Variants in PTPRT observed in about 807,000 individuals in gnomAD.
The protein encoded by PTPRT is receptor-type tyrosine-protein phosphatase T.
In PTPRT, 56 loss-of-function variants were observed where a neutral mutation model predicts 176.8. The observed-to-expected ratio is 0.32, with a 90% CI of 0.26 to 0.40. The LOEUF is 0.40. Among genes scored for constraint, PTPRT ranks in the 10% least tolerant of loss-of-function variants. The pLI is 1.00. For synonymous variants in PTPRT, 783 were observed against 739.0 expected (o/e 1.06, Z -0.96); for missense variants, 1,540 against 1,908.2 (o/e 0.81, Z 3.60).
chr20:42,582,269 C>T (rs2073387339), intron 7 of PTPRT, among the ~76,000 whole-genome samples: 1 of 152,002 alleles, frequency 6.6e-6, no homozygotes, highest in Admixed American at 6.6e-5. Flanking sequence ...GAGGGCTGGT[C>T]CCAAAGGCAA....
rs554483798 is a variant in PTPRT at position 42,245,973 on chromosome 20, T to A, written c.2312+2714A>T. Among the ~76,000 whole-genome samples, 200 of 152,192 alleles carry A rather than the reference T, an allele frequency of 1.3e-3. 1 individual carries two copies. The highest frequency in any genetic ancestry group is 4.6e-3 in the African/African-American group (191 of 41,508). ...TGTGAACTTCTGAGTCCAAGCACTG[T>A]AGGTGATGATAGGACACTGAGGAGA... On this transcript the variant is annotated intron_variant, in intron 14 of 30. Coordinates refer to ENST00000373187, the MANE Select transcript of PTPRT (RefSeq NM_007050.6).
At chr20:42,143,543 CGA>C (rs1384149530) in intron 17 of PTPRT, among the ~76,000 whole-genome samples, 1 of 138,556 alleles carries the variant, frequency 7.2e-6, no homozygotes, top group African/African-American at 2.7e-5. Flanking sequence ...GGCGACAGAG[CGA>C]GACTCTGTTT....
chr20:42,333,397 T>C (rs991785050), intron 11 of PTPRT, among the ~76,000 whole-genome samples: 1 of 151,706 alleles, frequency 6.6e-6, no homozygotes, highest in South Asian at 2.1e-4. Flanking sequence ...AGTGGTGTGA[T>C]CTCGGCTCAC....
At chr20:43,125,205 G>T in intron 1 of PTPRT, among the ~76,000 whole-genome samples, 1 of 149,672 alleles carries the variant, frequency 6.7e-6, no homozygotes, top group Non-Finnish European at 1.5e-5. Flanking sequence ...TCATCATGTT[G>T]GTCAGGCTGG....
chr20:42,194,800 T>C (rs1216500942), intron 16 of PTPRT, among the ~76,000 whole-genome samples: 1 of 152,210 alleles, frequency 6.6e-6, no homozygotes, highest in Admixed American at 6.5e-5. Context: ...CAATGGCCCA[T>C]ATCTGACAAA....
At chr20:43,062,050 T>C (rs530665883) in intron 1 of PTPRT, among the ~76,000 whole-genome samples, 13 of 152,320 alleles carry the variant, frequency 8.5e-5, no homozygotes, top group East Asian at 1.9e-4. Flanking sequence ...ATCTAATCTA[T>C]AGTGACCAAA....
chr20:42,150,354 T>A (rs1989072622), intron 17 of PTPRT, among the ~76,000 whole-genome samples: 1 of 152,176 alleles, frequency 6.6e-6, no homozygotes, highest in South Asian at 2.1e-4. Context: ...TAATTGGATA[T>A]GTTATGCCCT....
At chr20:42,500,108 T>C (rs1473065796) in intron 7 of PTPRT, among the ~76,000 whole-genome samples, 1 of 152,118 alleles carries the variant, frequency 6.6e-6, no homozygotes, top group Admixed American at 6.5e-5. Context: ...ATAAATTTTA[T>C]AATTTTCTAG....
chr20:43,100,520 A>G (rs2012354848), intron 1 of PTPRT, among the ~76,000 whole-genome samples: 3 of 152,372 alleles, frequency 2.0e-5, no homozygotes, highest in Admixed American at 1.3e-4. Flanking sequence ...AAGATCAAGT[A>G]TCATCAAAAC....
chr20:42,674,197 C>A (rs961239081), intron 7 of PTPRT, among the ~76,000 whole-genome samples: 2 of 152,116 alleles, frequency 1.3e-5, no homozygotes, highest in Non-Finnish European at 2.9e-5. Context: ...CCATCAGTGG[C>A]GATGCAGGAA....
intron 12 of PTPRT, among the ~76,000 whole-genome samples, chr20:42,295,083 A>G (rs1014316021): frequency 2.0e-5 from 3 of 152,196 alleles, no homozygotes; most frequent in Admixed American, 2.0e-4. Context: ...AAGAAAAATT[A>G]TTGGAAGTAA....
At chr20:43,050,352 G>C (rs1206193328) in intron 1 of PTPRT, among the ~76,000 whole-genome samples, 1 of 152,216 alleles carries the variant, frequency 6.6e-6, no homozygotes, top group Non-Finnish European at 1.5e-5. Flanking sequence ...CGGGAAGGGA[G>C]CTCCAGGGAG....
chr20:42,104,845 C>T, intron 24 of PTPRT, 127 bp from the exon 25 acceptor site: 1 of 1,036,272 alleles, frequency 9.6e-7, no homozygotes, highest in Non-Finnish European at 1.3e-6. Context: ...AGGATCCTTA[C>T]TTTTTATACT....
rs1406433518 is a variant in PTPRT, at chr20:42,315,843, C to A, written c.2019G>T (p.Leu673=). 6.2e-7 allele frequency: 1 copy of A among 1,614,128 alleles called. No homozygotes were observed. The highest frequency in any genetic ancestry group is 1.7e-5 in the Admixed American group (1 of 60,004). The stretch of plus-strand genomic sequence containing the variant: ...CCACTGTAAATGGCTGGGTGACAGG[C>A]AGGTTGGCAGGCTTCAACTCAGCAG... ...YFAAELKPAN[L]PVTQPFTVGD... is the part of the protein sequence containing the mutation. Residue 673 remains leucine, a synonymous_variant, in exon 12 of 31, where the codon CTG becomes CTT. Transcript: ENST00000373187.
intron 4 of PTPRT, among the ~76,000 whole-genome samples, chr20:42,779,932 T>C (rs891841647): frequency 6.6e-6 from 1 of 151,912 alleles, no homozygotes; most frequent in African/African-American, 2.4e-5. Context: ...ATCCCACTAA[T>C]AAACAATCAG....
intron 22 of PTPRT, among the ~76,000 whole-genome samples, chr20:42,112,241 T>C (rs1290637069): frequency 6.6e-6 from 1 of 152,156 alleles, no homozygotes; most frequent in Non-Finnish European, 1.5e-5. Flanking sequence ...TGGTGCCCAC[T>C]CAGATCCCCA....
chr20:42,642,783 A>C (rs1438846352), intron 7 of PTPRT, among the ~76,000 whole-genome samples: 2 of 152,160 alleles, frequency 1.3e-5, no homozygotes, highest in African/African-American at 4.8e-5. Context: ...TAAAAAACCA[A>C]AGTGATATTG....
At chr20:42,624,005 C>CAAAAAAAAAAAAAAAAACA (rs1159094345) in intron 7 of PTPRT, among the ~76,000 whole-genome samples, 7 of 135,686 alleles carry the variant, frequency 5.2e-5, no homozygotes, top group African/African-American at 9.6e-5. Context: ...AAAACAATAG[C>CAAAAAAAAAAAAAAAAACA]AACAAACAAA....
At chr20:42,355,537 G>C (rs2058347186) in intron 9 of PTPRT, among the ~76,000 whole-genome samples, 1 of 152,220 alleles carries the variant, frequency 6.6e-6, no homozygotes, top group Non-Finnish European at 1.5e-5. Context: ...GAACCGCGTA[G>C]GCAAAGATCT....
Sources: allele counts gnomAD v4.1 joint callset (sites outside exome capture counted in the v4.1 genomes callset), GRCh38; gene constraint gnomAD v4.1.1; transcripts MANE v1.5; gene names NCBI Gene and HGNC (gene_info 2026-07-23, HGNC 2026-07-21).